HAUS4: variants seen among roughly 807,000 people sequenced by gnomAD.
HAUS4 encodes HAUS augmin like complex subunit 4.
In HAUS4, 34 loss-of-function variants were observed where a neutral mutation model predicts 50.6. The observed-to-expected ratio is 0.67, with a 90% CI of 0.51 to 0.90. The LOEUF (loss-of-function observed/expected upper bound fraction) is 0.90. Among genes scored for constraint, HAUS4 ranks in the 40% least tolerant of loss-of-function variants. The pLI is 0.00. For synonymous variants in HAUS4, 149 were observed against 161.4 expected (o/e 0.92, Z 0.58); for missense variants, 370 against 428.7 (o/e 0.86, Z 1.21).
At chr14:22,948,046 C>A in intron 6 of HAUS4, 33 bp from the exon 7 acceptor site, 1 of 1,564,688 alleles carries the variant, frequency 6.4e-7, no homozygotes, top group Non-Finnish European at 8.7e-7. Flanking sequence ...GACAGGAAAA[C>A]CCTAATCGCT....
rs180932051 is a variant in HAUS4 at position 22,952,806 on chromosome 14, A to G, written c.56-123T>C. ...GGATTTTTATAGGAAAGATTGCTAA[A>G]TCTAATGAGATTTTTTAAAAATCCA... On this transcript the variant is annotated intron_variant, in intron 2 of 9. Transcript: ENST00000541587. 35 of 721,464 alleles carry G rather than the reference A, an allele frequency of 4.9e-5. No individual in the cohort carries two copies. In the African/African-American group the frequency reaches 6.1e-4, roughly 13 times the overall value. 44.7% of individuals were successfully genotyped at this position (721,464 alleles called of 1,614,324 possible).
rs2044733087 is a variant in HAUS4 at position 22,950,487 on chromosome 14, G to A, written c.466-77C>T. On this transcript the variant is annotated intron_variant, in intron 5 of 9. Coordinates refer to ENST00000541587, the MANE Select transcript of HAUS4 (RefSeq NM_001166269.2). ...ACGTCTCAGCCAATGAATACATGAT[G>A]ATAACCTCAATAATAGCCAAAGAAA... is the stretch of plus-strand genomic sequence containing the variant. The A allele has an allele frequency of 3.7e-6, 3 of 813,686 alleles. No homozygotes were observed. In the Admixed American group the frequency reaches 5.8e-5, roughly 16 times the overall value. The allele number at this position is 813,686 out of a possible 1,614,324, so 50.4% of individuals were successfully genotyped here.
Position 22,947,345 on chromosome 14 carries a change from G to A in HAUS4, c.840-106C>T. The stretch of plus-strand genomic sequence containing the variant: ...ACGGTCAAGGTGTGGGCTAAGCACT[G>A]ATAGGATAAACAAGGTCACTCTGAA... On this transcript the variant is annotated intron_variant, in intron 8 of 9. Transcript: ENST00000541587. The A allele has an allele frequency of 4.9e-6, 4 of 824,466 alleles. No homozygotes were observed. The South Asian group carries it at 5.7e-5, about 12-fold the overall frequency. The allele number at this position is 824,466 out of a possible 1,614,324, so 51.1% of individuals were successfully genotyped here. A position where few individuals can be genotyped will look rare whatever the true frequency, so the allele number is the denominator to read the frequency against.
intron 4 of HAUS4, 57 bp downstream of exon 4, chr14:22,952,271 G>A (rs1282658350): frequency 2.3e-5 from 33 of 1,427,512 alleles, no homozygotes; most frequent in Non-Finnish European, 3.0e-5. Context: ...GCCTGCCTGG[G>A]GCTCCCAAAG....
At chr14:22,956,215 C>T (rs775192737) in intron 1 of HAUS4, among the ~76,000 whole-genome samples, 1 of 152,138 alleles carries the variant, frequency 6.6e-6, no homozygotes, top group Non-Finnish European at 1.5e-5. Context: ...ATTTGCAGCT[C>T]GGCCGGCCGT....
intron 8 of HAUS4, 83 bp from the exon 9 acceptor site, chr14:22,947,322 G>T: frequency 1.0e-6 from 1 of 953,082 alleles, no homozygotes; most frequent in Non-Finnish European, 1.7e-6. Context: ...ACCTGCCGAC[G>T]GTCAAGGTGT....
Position 22,952,650 on chromosome 14 carries a change from C to T in HAUS4, c.89G>A (p.Ser30Asn). ...CSKQLPPCNL[S>N]KEDLLQNPYF... ...TGGGTTCTGTAACAGGTCCTCTTTA[C>T]TCAGGTTACAAGGAGGAAGTTGTTT... is the stretch of plus-strand genomic sequence containing the variant. Residue 30 changes from serine (S) to asparagine (N), a missense_variant, in exon 3 of 10, where the codon AGT becomes AAT. Physicochemically the swap from Ser to Asn is conservative, Grantham distance 46 (BLOSUM62 1). Transcript: ENST00000541587. 6.2e-7 allele frequency: 1 copy of T among 1,610,780 alleles called. No homozygotes were observed. The highest frequency in any genetic ancestry group is 1.1e-5 in the South Asian group (1 of 90,362).
At chr14:22,950,084 C>T (rs751407939) in intron 6 of HAUS4, among the ~76,000 whole-genome samples, 4 of 149,834 alleles carry the variant, frequency 2.7e-5, no homozygotes, top group Non-Finnish European at 4.4e-5. Flanking sequence ...ACAGAAATGG[C>T]GCCATTGCAC....
rs2044749274 is a variant in HAUS4 at position 22,951,342 on chromosome 14, T to C, written c.465+213A>G. ...TATAAGCATGAAGGGTATAATACCA[T>C]TTATGTCAAGCTGTTTATAATAATA... On this transcript the variant is annotated intron_variant, in intron 5 of 9. Transcript: ENST00000541587. 6 of 591,700 alleles carry C rather than the reference T, an allele frequency of 1.0e-5. No homozygotes were observed. In the South Asian group the frequency reaches 1.1e-4, roughly 11 times the overall value. The allele number at this position is 591,700 out of a possible 1,614,324, so 36.7% of individuals were successfully genotyped here. A position where few individuals can be genotyped will look rare whatever the true frequency, so the allele number is the denominator to read the frequency against.
At chr14:22,948,610 A>G (rs1285791786) in intron 6 of HAUS4, among the ~76,000 whole-genome samples, 1 of 151,508 alleles carries the variant, frequency 6.6e-6, no homozygotes, top group Non-Finnish European at 1.5e-5. Flanking sequence ...ATCTCAGCTC[A>G]CTGCAACCTC....
At chr14:22,954,837 TGCCTCA>T (rs1395468919) in intron 2 of HAUS4, 6 of 352,402 alleles carry the variant, frequency 1.7e-5, no homozygotes. Context: ...ACCATTCTCC[TGCCTCA>T]GCCTCTGGAG....
chr14:22,951,324 A>C (rs1035460662), intron 5 of HAUS4, among the ~76,000 whole-genome samples: 8 of 152,126 alleles, frequency 5.3e-5, no homozygotes, highest in African/African-American at 1.9e-4. Context: ...CTATATAAGC[A>C]TGAAGGGTAT....
At position 22,948,005 on chromosome 14, in the gene HAUS4, T is replaced by C; in HGVS notation, c.571A>G (p.Ser191Gly). 6.2e-7 allele frequency: 1 copy of C among 1,609,652 alleles called. No homozygotes were observed. The highest frequency in any genetic ancestry group is 8.5e-7 in the Non-Finnish European group (1 of 1,178,132). The part of the protein sequence containing the change: ...CYYDPNSDAD[S>G]ETVKAAKVWK... ...ACCTTTGCTGCCTTCACGGTTTCAC[T>C]GTCAGCATCTGAGCAAAGGGGCAGA... Residue 191 changes from serine (S) to glycine (G), a missense_variant, in exon 7 of 10, where the codon AGT (serine) becomes GGT (glycine). By Grantham distance (56) the Ser-to-Gly change is moderately conservative (BLOSUM62 0). Transcript: ENST00000541587.
chr14:22,953,387 T>C (rs1412834153), intron 2 of HAUS4, among the ~76,000 whole-genome samples: 1 of 152,100 alleles, frequency 6.6e-6, no homozygotes, highest in Admixed American at 6.6e-5. Context: ...TCCTCCCACC[T>C]TGGCATCTCA....
At chr14:22,951,816 A>G (rs1457252035) in intron 4 of HAUS4, 127 bp from the exon 5 acceptor site, 2 of 793,062 alleles carry the variant, frequency 2.5e-6, no homozygotes, top group African/African-American at 3.4e-5. Context: ...CCCCCCTCAG[A>G]TAACTCAGCT....
At chr14:22,954,392 C>A (rs1468249972) in intron 2 of HAUS4, 1 of 152,002 alleles carries the variant, frequency 6.6e-6, no homozygotes, top group Non-Finnish European at 1.5e-5. Context: ...TTGAAGGATT[C>A]AAGATATAGA....
chr14:22,956,336 A>G (rs1465377524), intron 1 of HAUS4, among the ~76,000 whole-genome samples: 1 of 152,154 alleles, frequency 6.6e-6, no homozygotes, highest in Non-Finnish European at 1.5e-5. Flanking sequence ...TAATAACACA[A>G]TCGACTTGTC....
At chr14:22,946,760 G>C in intron 9 of HAUS4, 52 bp from the exon 10 acceptor site, 1 of 1,189,610 alleles carries the variant, frequency 8.4e-7, no homozygotes, top group Non-Finnish European at 1.2e-6. Flanking sequence ...TCCTCAGAAA[G>C]TAGTGGACAA....
rs1056000641 is a variant in HAUS4, at chr14:22,956,934, C to G, written c.-41G>C. ...AGCAAACCTGCACACCCTGGGGCAG[C>G]TGAAGCTCTCAAGGCGGTGCCGAGA... On this transcript the variant is annotated 5_prime_UTR_variant, in exon 1 of 10. Coordinates refer to ENST00000541587, the MANE Select transcript of HAUS4 (RefSeq NM_001166269.2). 3 of 154,632 alleles carry G rather than the reference C, an allele frequency of 1.9e-5. No homozygotes were observed. The highest frequency in any genetic ancestry group is 4.8e-5 in the African/African-American group (2 of 41,550). The allele number at this position is 154,632 out of a possible 1,614,324, so 9.6% of individuals were successfully genotyped here. A position where few individuals can be genotyped will look rare whatever the true frequency, so the allele number is the denominator to read the frequency against.
Sources: gnomAD v4.1 joint callset for allele counts (sites outside exome capture counted in the v4.1 genomes callset) on GRCh38, gnomAD v4.1.1 for gene constraint, MANE v1.5 for transcripts, NCBI Gene and HGNC (gene_info 2026-07-23, HGNC 2026-07-21) for gene names.